The following CHD5 variants were observed in gnomAD, a reference collection of about 807,000 sequenced individuals.
The protein encoded by CHD5 is chromodomain helicase DNA binding protein 5.
Under a neutral mutation model 230.3 loss-of-function variants are expected in CHD5, and 69 were observed. The observed-to-expected ratio is 0.30, with a 90% CI of 0.25 to 0.37. The LOEUF is 0.37. CHD5 is among the 10% of genes least tolerant of loss of function. CHD5 has a pLI of 1.00. For synonymous variants in CHD5, 1,064 were observed against 1,065.9 expected (o/e 1.00, Z 0.03); for missense variants, 1,827 against 2,622.8 (o/e 0.70, Z 6.63).
At chr1:6,127,760 G>C (rs58207398) in intron 25 of CHD5, among the ~76,000 whole-genome samples, 7 of 152,240 alleles carry the variant, frequency 4.6e-5, no homozygotes, top group Admixed American at 3.9e-4. Context: ...TGCCCTCAGC[G>C]CTGCCTCCGT....
chr1:6,166,550 C>G (rs1667258115), intron 2 of CHD5, among the ~76,000 whole-genome samples: 1 of 152,108 alleles, frequency 6.6e-6, no homozygotes, highest in South Asian at 2.1e-4. Flanking sequence ...CCATCCTTTC[C>G]CCAGCAGTCC....
chr1:6,145,898 T>A lies in CHD5; in HGVS notation c.1802+314A>T, dbSNP rs561758114. ...TGGACATACTCCCACACCTCGGGCG[T>A]CCCTCGTCCTCAGAACCCTCTTGCT... is the stretch of plus-strand genomic sequence containing the variant. On this transcript the variant is annotated intron_variant, in intron 11 of 41. Transcript: ENST00000262450. 1.4e-3 allele frequency among the ~76,000 whole-genome samples: 207 copies of A among 152,294 alleles called. 1 individual carries two copies. Among genetic ancestry groups the A allele is most frequent in the African/African-American group, 4.9e-3 (203 of 41,556 alleles).
chr1:6,140,100 GTT>G (rs2100855235), intron 15 of CHD5, among the ~76,000 whole-genome samples: 1 of 152,300 alleles, frequency 6.6e-6, no homozygotes, highest in African/African-American at 2.4e-5. Flanking sequence ...TGTGGAGAGG[GTT>G]TAGAAATGCA....
rs1666955809 is a variant in CHD5, at chr1:6,149,043, G to A, written c.1194C>T (p.Asp398=). The part of the protein sequence containing the change: ...EKEGIQWEPK[D]DDDEEEEGGC... ...CGCCCTCCTCCTCTTCATCGTCGTC[G>A]TCCTTCGGCTCCCACTGGATCCCCT... The change falls in exon 9 of 42, where the codon GAC becomes GAT. Residue 398 remains aspartate, a synonymous_variant. Coordinates refer to ENST00000262450, the MANE Select transcript of CHD5 (RefSeq NM_015557.3). 1.3e-6 allele frequency: 2 copies of A among 1,581,652 alleles called. No homozygotes were observed. The highest frequency in any genetic ancestry group is 1.7e-6 in the Non-Finnish European group (2 of 1,164,704).
intron 2 of CHD5, among the ~76,000 whole-genome samples, chr1:6,166,156 T>G (rs891595868): frequency 1.3e-5 from 2 of 150,342 alleles, no homozygotes; most frequent in Non-Finnish European, 1.5e-5. Flanking sequence ...CAAGCAGAAT[T>G]GGGCAGAGGG....
intron 15 of CHD5, among the ~76,000 whole-genome samples, chr1:6,140,376 G>A (rs900938802): frequency 2.7e-5 from 4 of 150,636 alleles, no homozygotes; most frequent in Admixed American, 6.6e-5. Context: ...CTCCAGCCTG[G>A]CGACAGAGTG....
Position 6,126,776 on chromosome 1 carries a change from G to C in CHD5, c.3904-30C>G. The C allele has an allele frequency of 6.2e-7, 1 of 1,603,420 alleles. No individual in the cohort carries two copies. The highest frequency in any genetic ancestry group is 8.5e-7 in the Non-Finnish European group (1 of 1,172,796). ...GGACGCAGCACCACGGGTTCCATGG[G>C]TGGAGCCATCTCTGCCCTCCCGGAA... On this transcript the variant is annotated intron_variant, in intron 25 of 41. Transcript: ENST00000262450. This position sits in a 1 kb window ranked among gnomAD's most constrained non-coding sequence, Gnocchi z 5.7.
At chr1:6,147,757 A>G (rs772362868) in intron 9 of CHD5, among the ~76,000 whole-genome samples, 3 of 152,138 alleles carry the variant, frequency 2.0e-5, no homozygotes, top group Non-Finnish European at 4.4e-5. Context: ...GTGGTGCCAC[A>G]TCACACCTGA....
chr1:6,147,601 G>T (rs780197140), intron 9 of CHD5, among the ~76,000 whole-genome samples: 1 of 152,318 alleles, frequency 6.6e-6, no homozygotes. Context: ...GGACAGGGTC[G>T]GGGGTGACTG....
intron 33 of CHD5, among the ~76,000 whole-genome samples, chr1:6,116,198 T>C (rs1666375967): frequency 6.6e-6 from 1 of 152,224 alleles, no homozygotes; most frequent in African/African-American, 2.4e-5. Flanking sequence ...ATTGCTTGTG[T>C]CCTCAGTGCC....
intron 2 of CHD5, among the ~76,000 whole-genome samples, chr1:6,165,491 C>T (rs1217674671): frequency 1.3e-5 from 2 of 152,168 alleles, no homozygotes; most frequent in Non-Finnish European, 2.9e-5. Flanking sequence ...GCAGTGGGTG[C>T]ACAGGTAGGA....
At chr1:6,157,032 T>C (rs549316689) in intron 3 of CHD5, among the ~76,000 whole-genome samples, 193 of 152,334 alleles carry the variant, frequency 1.3e-3, no homozygotes, top group African/African-American at 4.3e-3. Context: ...CAGAACAGAA[T>C]GACTTAGTGC....
rs1666631964 is a variant in CHD5 at position 6,130,146 on chromosome 1, G to T, written c.3387+58C>A. On this transcript the variant is annotated intron_variant, in intron 22 of 41. Transcript: ENST00000262450. The surrounding 1 kb of genome is among the most constrained non-coding windows in gnomAD (Gnocchi z 4.9). ...AAGAAGGGCATGAAGGACAGAACCT[G>T]CCTGAGGCCCGGGATGAGAGGCCCC... is the stretch of plus-strand genomic sequence containing the variant. The T allele has an allele frequency of 3.1e-6, 5 of 1,601,436 alleles. No individual in the cohort carries two copies. The East Asian group carries it at 1.1e-4, about 36-fold the overall frequency.
rs188188187 is a variant in CHD5, at chr1:6,136,668, G to T, written c.2575-30C>A. 2.4e-5 allele frequency: 39 copies of T among 1,613,006 alleles called. No homozygotes were observed. In the East Asian group the frequency reaches 8.5e-4, roughly 35 times the overall value. On this transcript the variant is annotated intron_variant, in intron 16 of 41. Coordinates refer to ENST00000262450, the MANE Select transcript of CHD5 (RefSeq NM_015557.3). ...GGGGAGGAGAGTGGGGCCTGTCAGG[G>T]GGCTCTGGGCGGCCCCTCGCCCCGG...
chr1:6,161,033 G>C (rs1431857382), intron 2 of CHD5, among the ~76,000 whole-genome samples: 1 of 152,214 alleles, frequency 6.6e-6, no homozygotes, highest in East Asian at 1.9e-4. Context: ...TGAGCAAGGA[G>C]AGGCATGGGA....
chr1:6,141,615 AAAT>A (rs1217370181), intron 15 of CHD5, among the ~76,000 whole-genome samples: 4 of 152,106 alleles, frequency 2.6e-5, no homozygotes, highest in African/African-American at 9.7e-5. Flanking sequence ...TCAAAAAAAT[AAAT>A]AAATAAATAA....
intron 33 of CHD5, among the ~76,000 whole-genome samples, chr1:6,114,054 C>A (rs981260737): frequency 1.3e-5 from 2 of 152,164 alleles, no homozygotes; most frequent in Admixed American, 6.5e-5. Context: ...TCGAGACCAG[C>A]CTGACCAATA....
At chr1:6,166,907 C>CG (rs1190021126) in intron 2 of CHD5, among the ~76,000 whole-genome samples, 2 of 152,156 alleles carry the variant, frequency 1.3e-5, no homozygotes, top group South Asian at 2.1e-4. Context: ...GTGCACCACC[C>CG]GCAACAGGCC....
chr1:6,112,719 G>C (rs1008377078), intron 34 of CHD5, among the ~76,000 whole-genome samples, 190 bp downstream of exon 34: 2 of 152,212 alleles, frequency 1.3e-5, no homozygotes, highest in Admixed American at 1.3e-4. Flanking sequence ...GCTCAGGAGA[G>C]AGTAGGGGAG....
Sources: gnomAD v4.1 joint callset for allele counts (sites outside exome capture counted in the v4.1 genomes callset) on GRCh38, gnomAD v4.1.1 for gene constraint, Gnocchi (gnomAD v3.1) non-coding constraint, MANE v1.5 for transcripts, NCBI Gene and HGNC (gene_info 2026-07-23, HGNC 2026-07-21) for gene names.